TSGA10IP: variants seen among roughly 807,000 people sequenced by gnomAD.
The protein encoded by TSGA10IP is testis specific 10 interacting protein.
Under a neutral mutation model 63.2 loss-of-function variants are expected in TSGA10IP, and 64 were observed. The observed-to-expected ratio is 1.01, with a 90% CI of 0.83 to 1.25. TSGA10IP has a LOEUF of 1.25. Ranked by LOEUF, TSGA10IP falls within the 50% of genes most tolerant of loss-of-function variation. The pLI is 0.00. For missense variants in TSGA10IP, 681 were observed against 710.1 expected (o/e 0.96, Z 0.47); for synonymous variants, 316 against 298.3 (o/e 1.06, Z -0.61).
At chr11:65,945,531 C>T (rs1051847610) in exon 1 of TSGA10IP, 2 of 875,562 alleles carry the variant, frequency 2.3e-6, no homozygotes, top group Non-Finnish European at 3.5e-6. Flanking sequence ...GCTGAACTCT[C>T]TCCCAGAAGG....
exon 3 of TSGA10IP, chr11:65,947,536 C>T: frequency 1.2e-6 from 2 of 1,613,694 alleles, no homozygotes; most frequent in Non-Finnish European, 1.7e-6. Context: ...TGCCCCAGCG[C>T]CCCAGGAGGG....
chr11:65,950,687 T>C (rs1403382809), intron 4 of TSGA10IP, among the ~76,000 whole-genome samples: 2 of 151,916 alleles, frequency 1.3e-5, no homozygotes, highest in Non-Finnish European at 2.9e-5. Context: ...CTCAGCCTCC[T>C]GAGTAGCTGG....
chr11:65,953,987 C>T (rs1854986251), intron 5 of TSGA10IP, among the ~76,000 whole-genome samples: 1 of 152,224 alleles, frequency 6.6e-6, no homozygotes, highest in South Asian at 2.1e-4. Context: ...TATGATCACA[C>T]TTTCAAATCT....
chr11:65,947,497 G>A, exon 3 of TSGA10IP: 1 of 1,613,276 alleles, frequency 6.2e-7, no homozygotes, highest in South Asian at 1.1e-5. Context: ...GTGCTGAGGA[G>A]GCCGAGAGGG....
chr11:65,948,198 G>T, intron 4 of TSGA10IP, 50 bp downstream of exon 4: 1 of 1,546,226 alleles, frequency 6.5e-7, no homozygotes, highest in East Asian at 2.3e-5. Context: ...AGTAGAGATG[G>T]AGCCACTTCT....
exon 1 of TSGA10IP, chr11:65,945,500 T>A: frequency 1.5e-6 from 1 of 682,562 alleles, no homozygotes; most frequent in South Asian, 1.9e-5. Context: ...GTCTCTGCGC[T>A]AAATGACTCC....
chr11:65,956,478 CAG>C (rs140804637), intron 5 of TSGA10IP, among the ~76,000 whole-genome samples: 444 of 150,658 alleles, frequency 2.9e-3, no homozygotes, highest in African/African-American at 0.01. Flanking sequence ...GATTTGGAAA[CAG>C]AGGCTCTGAA....
intron 5 of TSGA10IP, 81 bp downstream of exon 5, chr11:65,953,818 G>A (rs923732754): frequency 2.6e-4 from 310 of 1,208,150 alleles, no homozygotes; most frequent in Non-Finnish European, 3.2e-4. Flanking sequence ...GGACCGAGGA[G>A]CACCAGCCCT....
At chr11:65,956,299 G>A (rs756376597) in intron 5 of TSGA10IP, among the ~76,000 whole-genome samples, 102 of 152,038 alleles carry the variant, frequency 6.7e-4, no homozygotes, top group Middle Eastern at 3.4e-3. Context: ...CTCCACGCCC[G>A]GCTAATTTTG....
At chr11:65,951,937 C>G (rs1451578867) in intron 4 of TSGA10IP, among the ~76,000 whole-genome samples, 1 of 150,136 alleles carries the variant, frequency 6.7e-6, no homozygotes, top group Non-Finnish European at 1.5e-5. Context: ...GCAACCTCCC[C>G]CTCCCAGGTT....
chr11:65,956,612 C>T (rs189541346), intron 5 of TSGA10IP, among the ~76,000 whole-genome samples: 241 of 152,192 alleles, frequency 1.6e-3, no homozygotes, highest in African/African-American at 5.7e-3. Flanking sequence ...ACTGAAACCT[C>T]CATCTCCCGG....
chr11:65,945,986 T>C (rs1001074289), intron 1 of TSGA10IP, 164 bp downstream of exon 1: 2 of 792,730 alleles, frequency 2.5e-6, no homozygotes, highest in African/African-American at 3.5e-5. Context: ...CCTAAGGGCC[T>C]TGGGAGAAGC....
At chr11:65,947,719 C>T in exon 3 of TSGA10IP, 1 of 1,594,964 alleles carries the variant, frequency 6.3e-7, no homozygotes, top group Non-Finnish European at 8.5e-7. Context: ...GCAGCCCCAG[C>T]TTCAACAACC....
chr11:65,950,068 G>T (rs1450097211), intron 4 of TSGA10IP, among the ~76,000 whole-genome samples: 1 of 151,418 alleles, frequency 6.6e-6, no homozygotes, highest in Non-Finnish European at 1.5e-5. Flanking sequence ...GGCCAGGCTG[G>T]TTTCGAACTC....
At chr11:65,954,311 G>A (rs1178823446) in intron 5 of TSGA10IP, among the ~76,000 whole-genome samples, 26 of 150,046 alleles carry the variant, frequency 1.7e-4, no homozygotes, top group African/African-American at 5.6e-4. Flanking sequence ...GACTACAGGC[G>A]CCCGCCACCA....
chr11:65,947,860 C>T lies in TSGA10IP; in HGVS notation c.1003+32C>T, dbSNP rs184212897. 1,882 of 1,521,786 alleles carry T rather than the reference C, an allele frequency of 1.2e-3. 27 individuals carry two copies. In the Admixed American group the frequency reaches 0.034, roughly 28 times the overall value. The allele number at this position is 1,521,786 out of a possible 1,614,324, so 94.3% of individuals were successfully genotyped here. A position where few individuals can be genotyped will look rare whatever the true frequency, so the allele number is the denominator to read the frequency against. On this transcript the variant is annotated intron_variant, in intron 3 of 7. Coordinates refer to ENST00000532620, the Ensembl canonical transcript of TSGA10IP. ...GTGGGGCTCAGAGCCTGGATTCCCC[C>T]GAAGCTACACCGCAGGGAACAGGGA...
chr11:65,959,053 G>A, intron 6 of TSGA10IP, 71 bp downstream of exon 6: 1 of 1,582,604 alleles, frequency 6.3e-7, no homozygotes, highest in Non-Finnish European at 8.6e-7. Context: ...AGGGAAGCAG[G>A]ATGCGAGTAG....
intron 5 of TSGA10IP, among the ~76,000 whole-genome samples, chr11:65,958,213 G>A (rs1855057585): frequency 6.6e-6 from 1 of 152,174 alleles, no homozygotes; most frequent in Admixed American, 6.5e-5. Flanking sequence ...CCAAAGTGCT[G>A]GGATTACAGG....
chr11:65,959,181 TCTC>T lies in TSGA10IP; in HGVS notation c.1423-5_1423-3del, dbSNP rs1420528891. ...GTGCAGAGCAGGAAGCCGTCTTCTC[TCTC>T]CTCAGGCCAATGCCCGGCTCACCGT... On this transcript the variant is annotated splice_region_variant and splice_polypyrimidine_tract_variant and intron_variant, in intron 6 of 7. Coordinates refer to ENST00000532620, the Ensembl canonical transcript of TSGA10IP. 2 of 1,601,566 alleles carry T rather than the reference TCTC, an allele frequency of 1.2e-6. No homozygotes were observed. Among genetic ancestry groups the T allele is most frequent in the Non-Finnish European group, 1.7e-6 (2 of 1,175,510 alleles).
Sources: allele counts gnomAD v4.1 joint callset (sites outside exome capture counted in the v4.1 genomes callset), GRCh38; gene constraint gnomAD v4.1.1; transcripts MANE v1.5; gene names NCBI Gene and HGNC (gene_info 2026-07-23, HGNC 2026-07-21).